Variants in GABBR2 observed in about 807,000 individuals in gnomAD.
GABBR2 encodes gamma-aminobutyric acid type B receptor subunit 2.
In GABBR2, 23 loss-of-function variants were observed where a neutral mutation model predicts 105.6. The observed-to-expected ratio is 0.22, with a 90% CI of 0.16 to 0.31. The LOEUF is 0.31. Ranked by LOEUF, GABBR2 falls within the 10% of genes least tolerant of loss-of-function variation. GABBR2 has a pLI of 1.00. For synonymous variants in GABBR2, 478 were observed against 499.7 expected, an observed-to-expected ratio of 0.96 and a Z score of 0.58; for missense variants, 734 against 1,245.5, an observed-to-expected ratio of 0.59 and a Z score of 6.18.
chr9:98,346,808 GAT>G (rs1251193332), intron 13 of GABBR2, among the ~76,000 whole-genome samples: 1 of 151,882 alleles, frequency 6.6e-6, no homozygotes, highest in Non-Finnish European at 1.5e-5. Flanking sequence ...TCTGCTTCCA[GAT>G]ATGAGTGAGA....
At chr9:98,581,130 A>T (rs1486764571) in intron 1 of GABBR2, 1 of 152,326 alleles carries the variant, frequency 6.6e-6, no homozygotes, top group Non-Finnish European at 1.5e-5. Flanking sequence ...CCCGTGGGGG[A>T]TGGTGGCTGG....
intron 4 of GABBR2, among the ~76,000 whole-genome samples, chr9:98,484,013 G>T (rs1226482513): frequency 2.0e-5 from 3 of 152,180 alleles, no homozygotes; most frequent in African/African-American, 7.2e-5. Context: ...CACGCACAAT[G>T]CCTGGCCTAC....
chr9:98,465,121 T>TAAAAAAAA lies in GABBR2; in HGVS notation c.999+8017_999+8024dup, dbSNP rs57747633. ...ACACCCAAGAATGATCAATAAATAC[T>TAAAAAAAA]AAAAAAAAAAAAAAAAAAAAAAAAA... On this transcript the variant is annotated intron_variant, in intron 6 of 18. Coordinates refer to ENST00000259455, the MANE Select transcript of GABBR2 (RefSeq NM_005458.8). Among the ~76,000 whole-genome samples, 74 of 22,000 alleles carry TAAAAAAAA rather than the reference T, an allele frequency of 3.4e-3. 1 individual carries two copies. The highest frequency in any genetic ancestry group is 8.3e-3 in the East Asian group (3 of 360). 14.4% of individuals were successfully genotyped at this position (22,000 alleles called of 152,430 possible).
intron 2 of GABBR2, among the ~76,000 whole-genome samples, chr9:98,542,572 G>A (rs1316718474): frequency 2.0e-5 from 3 of 151,960 alleles, no homozygotes; most frequent in Non-Finnish European, 4.4e-5. Context: ...TAGCATTTTT[G>A]TTTTATATTT....
At chr9:98,496,292 G>T in intron 4 of GABBR2, 121 bp downstream of exon 4, 1 of 686,490 alleles carries the variant, frequency 1.5e-6, no homozygotes, top group Non-Finnish European at 2.6e-6. Context: ...TGTCTGGGAT[G>T]CCAAGGTGGA....
Position 98,641,011 on chromosome 9 carries a change from C to A in GABBR2, c.322-62939G>T, listed in dbSNP as rs182822736. ...CAACCCTTAGCACACGTAAGAAAAG[C>A]CTGGAGGCCTTACTGAAATGCACAT... On this transcript the variant is annotated intron_variant, in intron 1 of 18. Transcript: ENST00000259455. Among the ~76,000 whole-genome samples the A allele has an allele frequency of 2.9e-3, 436 of 152,264 alleles. 1 individual carries two copies. Among genetic ancestry groups the A allele is most frequent in the Non-Finnish European group, 4.6e-3 (311 of 68,008 alleles).
chr9:98,427,030 G>A (rs889289785), intron 7 of GABBR2, among the ~76,000 whole-genome samples: 5 of 152,148 alleles, frequency 3.3e-5, no homozygotes, highest in African/African-American at 1.2e-4. Context: ...AGAGACAGGT[G>A]TTAGCAAAAA....
rs1829433059 is a variant in GABBR2, at chr9:98,606,961, C to CGGCA, written c.322-28890_322-28889insTGCC. ...TCTTCCTGCTTGCCCGCGGCTCCGC[C>CGGCA]TGCATCCAAACCGCTGCTCGCCCCA... On this transcript the variant is annotated intron_variant, in intron 1 of 18. Coordinates refer to ENST00000259455, the MANE Select transcript of GABBR2 (RefSeq NM_005458.8). The CGGCA allele has an allele frequency of 4.0e-6, 3 of 753,070 alleles. No individual in the cohort carries two copies. In the African/African-American group the frequency reaches 5.1e-5, roughly 13 times the overall value. 46.6% of individuals were successfully genotyped at this position (753,070 alleles called of 1,614,324 possible).
intron 11 of GABBR2, among the ~76,000 whole-genome samples, chr9:98,378,589 T>C (rs1240754736): frequency 6.6e-6 from 1 of 152,206 alleles, no homozygotes; most frequent in East Asian, 1.9e-4. Flanking sequence ...GGATGTGGCA[T>C]CAGCATCCCC....
At chr9:98,633,712 A>G (rs950733510) in intron 1 of GABBR2, among the ~76,000 whole-genome samples, 1 of 152,036 alleles carries the variant, frequency 6.6e-6, no homozygotes, top group African/African-American at 2.4e-5. Context: ...CCACAATGCA[A>G]GTCGGACCCC....
intron 1 of GABBR2, among the ~76,000 whole-genome samples, chr9:98,623,563 G>GC (rs1208923418): frequency 7.2e-5 from 11 of 152,214 alleles, no homozygotes; most frequent in Admixed American, 3.3e-4. Flanking sequence ...TCCTTCTACA[G>GC]CCACTAAGGA....
intron 2 of GABBR2, among the ~76,000 whole-genome samples, chr9:98,567,609 C>T (rs1828769927): frequency 6.6e-6 from 1 of 152,200 alleles, no homozygotes; most frequent in Non-Finnish European, 1.5e-5. Context: ...ACATCACCAC[C>T]TGAGATCTTA....
At chr9:98,554,703 A>C (rs1271630372) in intron 2 of GABBR2, among the ~76,000 whole-genome samples, 1 of 152,192 alleles carries the variant, frequency 6.6e-6, no homozygotes, top group Non-Finnish European at 1.5e-5. Context: ...TTTAAGATAT[A>C]ATTGTTTTTG....
chr9:98,649,329 G>T (rs1272303710), intron 1 of GABBR2, among the ~76,000 whole-genome samples: 1 of 152,136 alleles, frequency 6.6e-6, no homozygotes, highest in East Asian at 1.9e-4. Flanking sequence ...GATTTTATTA[G>T]GATTGAAGCA....
At chr9:98,601,800 C>T (rs564081227) in intron 1 of GABBR2, among the ~76,000 whole-genome samples, 1 of 152,266 alleles carries the variant, frequency 6.6e-6, no homozygotes, top group East Asian at 1.9e-4. Context: ...TCCCATCTCC[C>T]ACTGGAAGCT....
chr9:98,554,442 T>C (rs16917078), intron 2 of GABBR2, among the ~76,000 whole-genome samples: 2,707 of 152,328 alleles, frequency 0.018, 77 homozygotes, highest in African/African-American at 0.06. Context: ...AGTGGGTTAG[T>C]ATGCTTTTGA....
intron 4 of GABBR2, among the ~76,000 whole-genome samples, chr9:98,484,146 T>C (rs770921207): frequency 5.3e-5 from 8 of 152,164 alleles, no homozygotes; most frequent in Admixed American, 2.0e-4. Context: ...CACATCTTCA[T>C]AGCTGACCTC....
intron 3 of GABBR2, among the ~76,000 whole-genome samples, chr9:98,509,250 A>G (rs1392874607): frequency 6.6e-6 from 1 of 152,222 alleles, no homozygotes. Context: ...AAGGAAAGCC[A>G]CACCAAAAAC....
intron 6 of GABBR2, among the ~76,000 whole-genome samples, chr9:98,461,258 A>T (rs926852832): frequency 2.6e-5 from 4 of 152,216 alleles, no homozygotes; most frequent in Non-Finnish European, 5.9e-5. Flanking sequence ...AAATGACATC[A>T]GTGCCAAGAA....
Sources: gnomAD v4.1 joint callset for allele counts (sites outside exome capture counted in the v4.1 genomes callset) on GRCh38, gnomAD v4.1.1 for gene constraint, MANE v1.5 for transcripts, NCBI Gene and HGNC (gene_info 2026-07-23, HGNC 2026-07-21) for gene names.